Variants in MKLN1 observed in about 807,000 individuals in gnomAD.
MKLN1 encodes the protein muskelin.
Under a neutral mutation model 99.0 loss-of-function variants are expected in MKLN1, and 18 were observed. The observed-to-expected ratio is 0.18, with a 90% CI of 0.13 to 0.27. The LOEUF is 0.27. MKLN1 is among the 10% of genes least tolerant of loss of function. MKLN1 has a pLI of 1.00. For missense variants in MKLN1, 621 were observed against 875.9 expected, an observed-to-expected ratio of 0.71 and a Z score of 3.67; for synonymous variants, 288 against 293.2, an observed-to-expected ratio of 0.98 and a Z score of 0.18.
intron 1 of MKLN1, among the ~76,000 whole-genome samples, chr7:131,369,002 A>C (rs1360700632): frequency 2.6e-5 from 1 of 38,570 alleles, no homozygotes; most frequent in Non-Finnish European, 5.2e-5. Context: ...CTGTATAATC[A>C]CACACACACA....
chr7:131,197,201 T>C (rs1343164422), intron 2 of MKLN1, among the ~76,000 whole-genome samples: 2 of 151,874 alleles, frequency 1.3e-5, no homozygotes. Flanking sequence ...GCTTGATTGT[T>C]TGATTGATTG....
At chr7:131,407,969 C>G (rs1794757922) in intron 6 of MKLN1, among the ~76,000 whole-genome samples, 2 of 152,254 alleles carry the variant, frequency 1.3e-5, no homozygotes, top group Middle Eastern at 6.8e-3. Flanking sequence ...TCATCATCAT[C>G]ATCATCGTAA....
chr7:131,313,256 T>C (rs1798602200), intron 3 of MKLN1, among the ~76,000 whole-genome samples: 1 of 152,218 alleles, frequency 6.6e-6, no homozygotes, highest in East Asian at 1.9e-4. Context: ...TATGAGCACG[T>C]TTTCTATAAG....
intron 12 of MKLN1, among the ~76,000 whole-genome samples, chr7:131,451,065 C>T (rs968137360): frequency 2.6e-5 from 4 of 152,182 alleles, no homozygotes; most frequent in Non-Finnish European, 4.4e-5. Context: ...AATTATTTTA[C>T]CTCACTTTTA....
At chr7:131,146,240 G>A (rs1795813968) in intron 2 of MKLN1, among the ~76,000 whole-genome samples, 1 of 152,158 alleles carries the variant, frequency 6.6e-6, no homozygotes, top group East Asian at 1.9e-4. Flanking sequence ...TACTGGGGAG[G>A]CTGAGGCAGG....
intron 3 of MKLN1, among the ~76,000 whole-genome samples, chr7:131,297,495 T>C (rs928712484): frequency 1.3e-5 from 2 of 152,000 alleles, no homozygotes; most frequent in Non-Finnish European, 2.9e-5. Context: ...GGCTGACTTT[T>C]TGTATCTGCC....
At chr7:131,450,170 C>T (rs543800794) in intron 12 of MKLN1, among the ~76,000 whole-genome samples, 1 of 152,246 alleles carries the variant, frequency 6.6e-6, no homozygotes, top group South Asian at 2.1e-4. Context: ...ATGTACCCCT[C>T]CCTGCAACCC....
At chr7:131,408,959 TTTTAA>T (rs1794791226) in intron 6 of MKLN1, among the ~76,000 whole-genome samples, 1 of 152,188 alleles carries the variant, frequency 6.6e-6, no homozygotes, top group Non-Finnish European at 1.5e-5. Flanking sequence ...CCTAGTGATA[TTTTAA>T]TTTCTTTTGG....
intron 2 of MKLN1, among the ~76,000 whole-genome samples, chr7:131,181,819 C>T (rs1283038122): frequency 6.6e-6 from 1 of 152,112 alleles, no homozygotes; most frequent in African/African-American, 2.4e-5. Flanking sequence ...GCCACCACGC[C>T]CAGCTAATTT....
chr7:131,136,776 G>T (rs1405962061), intron 1 of MKLN1, among the ~76,000 whole-genome samples: 1 of 152,180 alleles, frequency 6.6e-6, no homozygotes, highest in Non-Finnish European at 1.5e-5. Flanking sequence ...TGCCCACGCT[G>T]TTCCCTGGAA....
chr7:131,236,445 G>A (rs1023571221), intron 3 of MKLN1, among the ~76,000 whole-genome samples: 3 of 152,168 alleles, frequency 2.0e-5, no homozygotes, highest in African/African-American at 7.2e-5. Context: ...CAGATCACTC[G>A]AGGTCAGGTG....
chr7:131,331,823 C>T (rs1799084762), intron 1 of MKLN1, among the ~76,000 whole-genome samples: 1 of 152,090 alleles, frequency 6.6e-6, no homozygotes, highest in Non-Finnish European at 1.5e-5. Context: ...TTAGTATACT[C>T]ATATGAGAAC....
chr7:131,345,956 G>A (rs1380562664), intron 1 of MKLN1, among the ~76,000 whole-genome samples: 4 of 152,032 alleles, frequency 2.6e-5, no homozygotes, highest in East Asian at 3.8e-4. Flanking sequence ...AAAATCACTC[G>A]GAATCTCATG....
intron 3 of MKLN1, among the ~76,000 whole-genome samples, chr7:131,304,348 T>C (rs1253264519): frequency 1.3e-5 from 2 of 152,196 alleles, no homozygotes; most frequent in Non-Finnish European, 2.9e-5. Flanking sequence ...TACTCCAGTC[T>C]TGGCAACAGA....
At chr7:131,414,400 A>G (rs1198695471) in intron 7 of MKLN1, among the ~76,000 whole-genome samples, 5 of 152,136 alleles carry the variant, frequency 3.3e-5, no homozygotes, top group Non-Finnish European at 7.4e-5. Context: ...GGCATTGATC[A>G]TAAATAAATC....
At chr7:131,243,266 A>G (rs1022043215) in intron 3 of MKLN1, among the ~76,000 whole-genome samples, 5 of 152,116 alleles carry the variant, frequency 3.3e-5, no homozygotes, top group African/African-American at 9.7e-5. Flanking sequence ...CTCTACACCT[A>G]TGTCTAGCCA....
chr7:131,176,043 A>G (rs1406358711), intron 2 of MKLN1, among the ~76,000 whole-genome samples: 1 of 152,220 alleles, frequency 6.6e-6, no homozygotes, highest in African/African-American at 2.4e-5. Context: ...GGAACTTACT[A>G]TATTCAGTTC....
At chr7:131,256,139 CA>C (rs1418039914) in intron 3 of MKLN1, among the ~76,000 whole-genome samples, 4 of 152,076 alleles carry the variant, frequency 2.6e-5, no homozygotes, top group Non-Finnish European at 5.9e-5. Context: ...CTCCTGACCT[CA>C]GGTGATCCAC....
chr7:131,319,633 T>C (rs375043056), intron 3 of MKLN1, among the ~76,000 whole-genome samples: 2 of 152,086 alleles, frequency 1.3e-5, no homozygotes, highest in African/African-American at 4.8e-5. Flanking sequence ...GGTATTCAAA[T>C]AGAAAGAGAG....
Sources: allele counts gnomAD v4.1 joint callset (sites outside exome capture counted in the v4.1 genomes callset), GRCh38; gene constraint gnomAD v4.1.1; transcripts MANE v1.5; gene names NCBI Gene and HGNC (gene_info 2026-07-23, HGNC 2026-07-21).